Variants in MCC observed in about 807,000 individuals in gnomAD.
The protein encoded by MCC is colorectal mutant cancer protein.
Under a neutral mutation model 116.2 loss-of-function variants are expected in MCC, and 90 were observed. The ratio of observed to expected loss-of-function variants is 0.77; its 90% CI spans 0.65 to 0.92. The LOEUF (loss-of-function observed/expected upper bound fraction) is 0.92. MCC is among the 40% of genes least tolerant of loss of function. MCC has a pLI of 0.00. For synonymous variants in MCC, 578 were observed against 510.5 expected, an observed-to-expected ratio of 1.13 and a Z score of -1.78; for missense variants, 1,516 against 1,312.2, an observed-to-expected ratio of 1.16 and a Z score of -2.40.
At chr5:113,261,867 T>C (rs1765231736) in intron 3 of MCC, among the ~76,000 whole-genome samples, 1 of 152,194 alleles carries the variant, frequency 6.6e-6, no homozygotes. Context: ...CACTTTCTTA[T>C]ATTACTAAGT....
chr5:113,402,725 T>A (rs75209242), intron 1 of MCC, among the ~76,000 whole-genome samples: 1,633 of 152,230 alleles, frequency 0.011, 37 homozygotes, highest in African/African-American at 0.037. Flanking sequence ...GGGCTTGTAG[T>A]CTGATTACAG....
intron 3 of MCC, among the ~76,000 whole-genome samples, chr5:113,240,226 A>G (rs796322222): frequency 2.0e-4 from 31 of 152,262 alleles, no homozygotes; most frequent in African/African-American, 7.5e-4. Context: ...CCCGGTGTTG[A>G]AAACTTGACC....
intron 16 of MCC, chr5:113,044,533 A>G: frequency 1.0e-6 from 1 of 962,510 alleles, no homozygotes; most frequent in Non-Finnish European, 1.2e-6. Flanking sequence ...TGAGAATAAA[A>G]AGCTTGTGAT....
chr5:113,090,666 A>C (rs1457145665), intron 8 of MCC, among the ~76,000 whole-genome samples: 1 of 152,186 alleles, frequency 6.6e-6, no homozygotes, highest in Non-Finnish European at 1.5e-5. Context: ...ACGATGGCAG[A>C]CTCTAATTCA....
chr5:113,118,465 T>G (rs1757522651), intron 6 of MCC, among the ~76,000 whole-genome samples: 1 of 152,194 alleles, frequency 6.6e-6, no homozygotes. Flanking sequence ...CCTCCAGGCT[T>G]GGAAGACAGT....
chr5:113,338,905 T>C (rs1179884816), intron 3 of MCC, among the ~76,000 whole-genome samples: 2 of 152,236 alleles, frequency 1.3e-5, no homozygotes, highest in African/African-American at 4.8e-5. Context: ...ACAGATTTTA[T>C]GAGACATTAT....
intron 2 of MCC, among the ~76,000 whole-genome samples, chr5:113,344,988 TTGGACAGCATTTC>T (rs1768098690): frequency 6.6e-6 from 1 of 152,102 alleles, no homozygotes; most frequent in South Asian, 2.1e-4. Context: ...AAGCAGGCTC[TTGGACAGCATTTC>T]TGGACCTGCC....
At chr5:113,133,014 T>C (rs1051578776) in intron 5 of MCC, among the ~76,000 whole-genome samples, 1 of 152,160 alleles carries the variant, frequency 6.6e-6, no homozygotes, top group Non-Finnish European at 1.5e-5. Context: ...CTTTTTTTTT[T>C]GTTTTTACTG....
intron 3 of MCC, among the ~76,000 whole-genome samples, chr5:113,267,070 G>A (rs1374815273): frequency 6.6e-6 from 1 of 152,164 alleles, no homozygotes; most frequent in Non-Finnish European, 1.5e-5. Flanking sequence ...ATTTAGCAAT[G>A]ATTGCATTAT....
chr5:113,185,960 G>A (rs1021147143), intron 3 of MCC, among the ~76,000 whole-genome samples: 1 of 152,110 alleles, frequency 6.6e-6, no homozygotes, highest in African/African-American at 2.4e-5. Context: ...TGTATATTCA[G>A]ATGAGAGCCA....
At chr5:113,096,516 T>C (rs149142349) in intron 8 of MCC, among the ~76,000 whole-genome samples, 6 of 152,264 alleles carry the variant, frequency 3.9e-5, no homozygotes, top group African/African-American at 1.4e-4. Context: ...GCTGGTATCA[T>C]AGTCAAAGCA....
chr5:113,222,087 ATTCTT>A (rs1261814870), intron 3 of MCC, among the ~76,000 whole-genome samples: 1 of 152,136 alleles, frequency 6.6e-6, no homozygotes, highest in African/African-American at 2.4e-5. Context: ...AGTTCCCTCT[ATTCTT>A]AAATTCCTGA....
chr5:113,094,291 C>G lies in MCC; in HGVS notation c.1398+7448G>C, dbSNP rs78445230. ...ATCACAAAATAGAAGGAGAAAACAT[C>G]CAACAGCATTTCCATCTCTCGGTAA... On this transcript the variant is annotated intron_variant, in intron 8 of 18. Coordinates refer to ENST00000408903, the MANE Select transcript of MCC (RefSeq NM_001085377.2). Among the ~76,000 whole-genome samples the G allele has an allele frequency of 9.3e-3, 1,408 of 152,004 alleles. 25 individuals are homozygous for G. The highest frequency in any genetic ancestry group is 0.031 in the African/African-American group (1,292 of 41,430).
intron 3 of MCC, among the ~76,000 whole-genome samples, chr5:113,244,266 T>C (rs1764490523): frequency 6.6e-6 from 1 of 152,232 alleles, no homozygotes; most frequent in Admixed American, 6.5e-5. Context: ...GGAATGATCA[T>C]CCATATTTTT....
chr5:113,336,381 C>T (rs1767868344), intron 3 of MCC, among the ~76,000 whole-genome samples: 2 of 151,856 alleles, frequency 1.3e-5, no homozygotes, highest in East Asian at 3.9e-4. Context: ...AAATCTCCTC[C>T]TTCAGCTTCT....
chr5:113,480,760 G>A (rs984223755), intron 1 of MCC, among the ~76,000 whole-genome samples: 1 of 152,024 alleles, frequency 6.6e-6, no homozygotes, highest in Non-Finnish European at 1.5e-5. Context: ...TGGAAGATTT[G>A]GATTTCATTA....
Position 113,027,297 on chromosome 5 carries a change from G to A in MCC, c.*5C>T. 1 of 1,613,908 alleles carries A rather than the reference G, an allele frequency of 6.2e-7. No homozygotes were observed. ...ATGGGCAGAACTCCGGTGCGTGAGT[G>A]CTGATTAAAGCGAAGTTTCATTGGT... On this transcript the variant is annotated 3_prime_UTR_variant, in exon 19 of 19. Transcript: ENST00000408903.
intron 11 of MCC, among the ~76,000 whole-genome samples, chr5:113,075,334 C>T (rs1184221175): frequency 2.0e-5 from 3 of 152,120 alleles, no homozygotes; most frequent in African/African-American, 7.2e-5. Context: ...CCTGTGGGTT[C>T]CCGTGCATCC....
At chr5:113,457,453 C>T (rs896261718) in intron 1 of MCC, among the ~76,000 whole-genome samples, 2 of 152,230 alleles carry the variant, frequency 1.3e-5, no homozygotes, top group Non-Finnish European at 2.9e-5. Context: ...CTGTGCAGCC[C>T]GAGCCTCCCT....
Sources: allele counts gnomAD v4.1 joint callset (sites outside exome capture counted in the v4.1 genomes callset), GRCh38; gene constraint gnomAD v4.1.1; transcripts MANE v1.5; gene names NCBI Gene and HGNC (gene_info 2026-07-23, HGNC 2026-07-21).